Variants in DCAKD observed in about 807,000 individuals in gnomAD.
The protein encoded by DCAKD is dephospho-CoA kinase domain-containing protein.
A neutral mutation model predicts 18.7 loss-of-function variants in DCAKD; 15 were observed. The ratio of observed to expected loss-of-function variants is 0.80; its 90% CI spans 0.54 to 1.24. The LOEUF (loss-of-function observed/expected upper bound fraction) is 1.24. DCAKD is among the 50% of genes most tolerant of loss of function. DCAKD has a pLI of 0.00. For missense variants in DCAKD, 301 were observed against 322.0 expected, an observed-to-expected ratio of 0.93 and a Z score of 0.50; for synonymous variants, 130 against 133.0, an observed-to-expected ratio of 0.98 and a Z score of 0.16.
At chr17:45,059,405 T>C (rs1310740928) in intron 1 of DCAKD, among the ~76,000 whole-genome samples, 3 of 152,148 alleles carry the variant, frequency 2.0e-5, no homozygotes, top group Admixed American at 6.5e-5. Context: ...TTTTTGGCCA[T>C]GGAGCACTCT....
rs370452593 is a variant in DCAKD at position 45,049,515 on chromosome 17, G to A, written c.-115+1846C>T. Among the ~76,000 whole-genome samples the A allele has an allele frequency of 4.6e-5, 7 of 151,322 alleles. No homozygotes were observed. In the South Asian group the frequency reaches 1.5e-3, roughly 31 times the overall value. ...TTTTTTTTTTTTTCAAAAGATGAGG[G>A]AAATCAAATCAAATGGTGTATATTT... is the stretch of plus-strand genomic sequence containing the variant. On this transcript the variant is annotated intron_variant, in intron 1 of 4. Transcript: ENST00000651974.
Position 45,030,147 on chromosome 17 carries a change from G to T in DCAKD, c.349C>A (p.Leu117Met). 2 of 1,614,156 alleles carry T rather than the reference G, an allele frequency of 1.2e-6. No homozygotes were observed. Among genetic ancestry groups the T allele is most frequent in the Non-Finnish European group, 1.7e-6 (2 of 1,180,022 alleles). Residue 117 changes from leucine to methionine, a missense_variant, in exon 4 of 5, where the codon CTG becomes ATG. Physicochemically the swap from Leu to Met is conservative, Grantham distance 15. Transcript: ENST00000651974. ...TTGAGCAACTTCTTGGTCTCAAACAGCAGGGGGATATCCAGAATCACGTAG... is the reference window on the plus strand; with the variant it reads ...TTGAGCAACTTCTTGGTCTCAAACATCAGGGGGATATCCAGAATCACGTAG... ...YRYVILDIPL[L>M]FETKKLLKYM...
chr17:45,034,297 A>G lies in DCAKD; in HGVS notation c.206T>C (p.Leu69Pro). Reference protein sequence around the residue: ...LENGDINRKVLGDLIFNQPDR... With the variant: ...LENGDINRKVPGDLIFNQPDR... ...AGGCTGGTTAAAGATCAGGTCCCCC[A>G]GGACCTTGCGATTTATGTCGCCGTT... is the stretch of plus-strand genomic sequence containing the variant. The change falls in exon 3 of 5, where the codon CTG (leucine) becomes CCG (proline). Residue 69 changes from leucine to proline, a missense_variant. Physicochemically the swap from Leu to Pro is moderately conservative, Grantham distance 98. Coordinates refer to ENST00000651974, the MANE Select transcript of DCAKD (RefSeq NM_001288655.2). 6.2e-7 allele frequency: 1 copy of G among 1,613,460 alleles called. No homozygotes were observed. Among genetic ancestry groups the G allele is most frequent in the East Asian group, 2.2e-5 (1 of 44,884 alleles).
Position 45,024,396 on chromosome 17 carries a change from A to C in DCAKD, c.*37T>G. The C allele has an allele frequency of 1.3e-6, 2 of 1,568,404 alleles. No homozygotes were observed. The highest frequency in any genetic ancestry group is 2.3e-5 in the South Asian group (2 of 85,710). On this transcript the variant is annotated 3_prime_UTR_variant, in exon 5 of 5. Transcript: ENST00000651974. Reference sequence around the variant, plus strand: ...ACCTGGCTTCAGCCTCCAAGGAGATAGATGGAGGCCTGGGGCTCCCTGCCT... The same window carrying C: ...ACCTGGCTTCAGCCTCCAAGGAGATCGATGGAGGCCTGGGGCTCCCTGCCT...
chr17:45,053,405 G>A (rs1345462900), upstream of DCAKD, among the ~76,000 whole-genome samples: 1 of 150,048 alleles, frequency 6.7e-6, no homozygotes, highest in East Asian at 2.0e-4. Context: ...CTAGAGGTGT[G>A]CGCCACCACA....
chr17:45,024,559 G>T lies in DCAKD; in HGVS notation c.570C>A (p.Ile190=), dbSNP rs754885310. Residue 190 remains isoleucine, a synonymous_variant, in exon 5 of 5, where the codon ATC becomes ATA. Coordinates refer to ENST00000651974, the MANE Select transcript of DCAKD (RefSeq NM_001288655.2). ...AGCGCTCCAGCTCAGTGTGCAAGAGGATGACCTGGCGTTTGGTGACACTCC... is the reference window on the plus strand; with the variant it reads ...AGCGCTCCAGCTCAGTGTGCAAGAGTATGACCTGGCGTTTGGTGACACTCC... ...GEWSVTKRQV[I]LLHTELERSL... 13 of 1,614,050 alleles carry T rather than the reference G, an allele frequency of 8.1e-6. No homozygotes were observed. In the Admixed American group the frequency reaches 2.2e-4, roughly 27 times the overall value.
At chr17:45,045,894 T>C (rs372184706) in intron 1 of DCAKD, among the ~76,000 whole-genome samples, 13,676 of 151,774 alleles carry the variant, frequency 0.09, 716 homozygotes, top group East Asian at 0.15. Context: ...GGTGCGGTTT[T>C]GGCTTACTGC....
At chr17:45,025,569 G>A (rs1225239405) in intron 4 of DCAKD, among the ~76,000 whole-genome samples, 1 of 152,086 alleles carries the variant, frequency 6.6e-6, no homozygotes, top group Non-Finnish European at 1.5e-5. Flanking sequence ...CTGGAGCGGG[G>A]TTACCTCTAA....
chr17:45,060,200 T>C lies in DCAKD; in HGVS notation c.-118+688A>G, dbSNP rs149948367. Among the ~76,000 whole-genome samples, 43 of 152,232 alleles carry C rather than the reference T, an allele frequency of 2.8e-4. 1 individual carries two copies. In the East Asian group the frequency reaches 8.1e-3, roughly 29 times the overall value. ...TAAATGAGATAATGTACGAAATGCC[T>C]TACTACAGAGTCTGGCACTTATTAA... On this transcript the variant is annotated intron_variant, in intron 1 of 4. Coordinates refer to the DCAKD transcript ENST00000310604.
rs77323994 is a variant in DCAKD at position 45,031,689 on chromosome 17, C to T, written c.317-1510G>A. ...TCCTCTCCCCTTGCTGTCCTTTCTC[C>T]GGCCCCTCTGGGGAGTACGTGGTCA... On this transcript the variant is annotated intron_variant, in intron 3 of 4. Transcript: ENST00000651974. 8.8e-3 allele frequency: 8,663 copies of T among 985,324 alleles called. 101 individuals carry two copies. Among genetic ancestry groups the T allele is most frequent in the South Asian group, 0.068 (1,444 of 21,274 alleles). The allele number at this position is 985,324 out of a possible 1,614,324, so 61.0% of individuals were successfully genotyped here. A position where few individuals can be genotyped will look rare whatever the true frequency, so the allele number is the denominator to read the frequency against.
intron 3 of DCAKD, chr17:45,031,945 C>T (rs1209805287): frequency 1.0e-6 from 1 of 985,304 alleles, no homozygotes; most frequent in Non-Finnish European, 1.2e-6. Context: ...CCTCATTTTT[C>T]ACCTTATCGA....
At chr17:45,053,189 A>AC (rs2053742702), upstream of DCAKD, among the ~76,000 whole-genome samples, 2 of 138,782 alleles carry the variant, frequency 1.4e-5, no homozygotes, top group African/African-American at 5.0e-5. Context: ...AAAAAAAAAA[A>AC]AAAAAAACTA....
rs536111955 is a variant in DCAKD, at chr17:45,040,381, C to A, written c.-114-5382G>T. Among the ~76,000 whole-genome samples, 167 of 131,448 alleles carry A rather than the reference C, an allele frequency of 1.3e-3. 2 individuals are homozygous for A. The East Asian group carries it at 0.024, about 19-fold the overall frequency. The allele number at this position is 131,448 out of a possible 152,430, so 86.2% of individuals were successfully genotyped here. A position where few individuals can be genotyped will look rare whatever the true frequency, so the allele number is the denominator to read the frequency against. ...CAGCCTGGGCAACAAGAGCAAGACT[C>A]CATCTCAAAAAAAAAAAAAAAAAAA... On this transcript the variant is annotated intron_variant, in intron 1 of 4. Transcript: ENST00000651974.
chr17:45,053,956 CCTAT>C (rs999615742), upstream of DCAKD, among the ~76,000 whole-genome samples: 1 of 152,122 alleles, frequency 6.6e-6, no homozygotes, highest in African/African-American at 2.4e-5. Context: ...AGGAATCTTG[CCTAT>C]CTACTACTAC....
chr17:45,031,785 T>A, intron 3 of DCAKD: 1 of 985,436 alleles, frequency 1.0e-6, no homozygotes, highest in Non-Finnish European at 1.2e-6. Flanking sequence ...CTGCAAACCA[T>A]CCTGACTCTA....
intron 1 of DCAKD, among the ~76,000 whole-genome samples, chr17:45,050,942 C>T (rs1329485047): frequency 2.6e-5 from 4 of 152,208 alleles, no homozygotes; most frequent in African/African-American, 4.8e-5. Context: ...ATCCACGCCG[C>T]CCCAGTCCCG....
At chr17:45,030,323 C>T in intron 3 of DCAKD, 144 bp from the exon 4 acceptor site, 1 of 700,318 alleles carries the variant, frequency 1.4e-6, no homozygotes, top group Non-Finnish European at 2.6e-6. Context: ...TGGCCGGTTC[C>T]AATGCCGTGC....
At chr17:45,034,036 C>CG in intron 3 of DCAKD, 151 bp downstream of exon 3, 1 of 1,596,904 alleles carries the variant, frequency 6.3e-7, no homozygotes. Context: ...GGGGCTGGTA[C>CG]GGGGCTCTGT....
intron 1 of DCAKD, among the ~76,000 whole-genome samples, chr17:45,050,949 C>T (rs779628043): frequency 6.6e-6 from 1 of 152,234 alleles, no homozygotes; most frequent in Non-Finnish European, 1.5e-5. Flanking sequence ...CCGCCCCAGT[C>T]CCGGGGGCCT....
Sources: allele counts gnomAD v4.1 joint callset (sites outside exome capture counted in the v4.1 genomes callset), GRCh38; gene constraint gnomAD v4.1.1; transcripts MANE v1.5; gene names NCBI Gene and HGNC (gene_info 2026-07-23, HGNC 2026-07-21).